UBASH3B: variants seen among roughly 807,000 people sequenced by gnomAD.
UBASH3B encodes ubiquitin associated and SH3 domain containing B, also known as ubiquitin-associated and SH3 domain-containing protein B.
In UBASH3B, 37 loss-of-function variants were observed where a neutral mutation model predicts 83.4. That is an observed-to-expected ratio of 0.44 (90% CI 0.34 to 0.58). The LOEUF is 0.58. UBASH3B is among the 20% of genes least tolerant of loss of function. UBASH3B has a pLI of 0.01. For synonymous variants in UBASH3B, 304 were observed against 318.3 expected (o/e 0.96, Z 0.48); for missense variants, 657 against 827.2 (o/e 0.79, Z 2.52).
chr11:122,743,220 C>G (rs1250828700), intron 1 of UBASH3B, among the ~76,000 whole-genome samples: 1 of 152,154 alleles, frequency 6.6e-6, no homozygotes, highest in Non-Finnish European at 1.5e-5. Flanking sequence ...TAATCTCTCT[C>G]TCTCTCTCTC....
intron 1 of UBASH3B, among the ~76,000 whole-genome samples, chr11:122,691,663 C>A (rs1318752038): frequency 6.6e-6 from 1 of 152,206 alleles, no homozygotes; most frequent in Non-Finnish European, 1.5e-5. Flanking sequence ...AGCCACCCAC[C>A]ACTTGCGGGA....
At chr11:122,801,149 C>T in intron 10 of UBASH3B, 39 bp from the exon 11 acceptor site, 1 of 1,605,428 alleles carries the variant, frequency 6.2e-7, no homozygotes. Context: ...TGAGAATCCA[C>T]AGGCACTTTC....
chr11:122,693,812 A>T (rs1863926564), intron 1 of UBASH3B, among the ~76,000 whole-genome samples: 1 of 152,214 alleles, frequency 6.6e-6, no homozygotes, highest in African/African-American at 2.4e-5. Flanking sequence ...CGGAGGTTGC[A>T]GTGAGCCGAG....
chr11:122,688,812 T>A (rs1213973043), intron 1 of UBASH3B, among the ~76,000 whole-genome samples: 1 of 151,112 alleles, frequency 6.6e-6, no homozygotes, highest in African/African-American at 2.4e-5. Context: ...GCCCGGCTAA[T>A]TTTTTGTATT....
chr11:122,692,876 T>G (rs920206236), intron 1 of UBASH3B, among the ~76,000 whole-genome samples: 3 of 151,998 alleles, frequency 2.0e-5, no homozygotes, highest in African/African-American at 7.3e-5. Flanking sequence ...AGTGTCCGAG[T>G]GAAGAGACCA....
chr11:122,655,909 T>G lies in UBASH3B; in HGVS notation c.-141T>G, dbSNP rs1262030729. The G allele has an allele frequency of 3.2e-6, 3 of 940,074 alleles. No homozygotes were observed. Among genetic ancestry groups the G allele is most frequent in the Non-Finnish European group, 4.4e-6 (3 of 675,944 alleles). The allele number at this position is 940,074 out of a possible 1,614,324, so 58.2% of individuals were successfully genotyped here. On this transcript the variant is annotated 5_prime_UTR_variant, in exon 1 of 14. Coordinates refer to ENST00000284273, the MANE Select transcript of UBASH3B (RefSeq NM_032873.5). ...GTCAGAGTCCCGACACTGGGGAAGC[T>G]CGGAGCGCCGCCTCCGCTGCCGCCG...
chr11:122,736,298 A>G (rs4935806), intron 1 of UBASH3B, among the ~76,000 whole-genome samples: 110,309 of 151,630 alleles, frequency 0.73, 40,515 homozygotes, highest in Middle Eastern at 0.87. Context: ...TGTGTAACTC[A>G]TCCCTAGAGT....
At chr11:122,704,603 A>T (rs1368890183) in intron 1 of UBASH3B, among the ~76,000 whole-genome samples, 1 of 151,680 alleles carries the variant, frequency 6.6e-6, no homozygotes, top group African/African-American at 2.4e-5. Flanking sequence ...TTTGCCTCCC[A>T]GGTTCAAGCA....
chr11:122,748,629 A>G (rs547241827), intron 1 of UBASH3B, among the ~76,000 whole-genome samples: 1 of 152,188 alleles, frequency 6.6e-6, no homozygotes, highest in Non-Finnish European at 1.5e-5. Flanking sequence ...GATTCTTTGA[A>G]TACCTCCATT....
At chr11:122,668,495 T>G (rs1289930030) in intron 1 of UBASH3B, among the ~76,000 whole-genome samples, 1 of 152,120 alleles carries the variant, frequency 6.6e-6, no homozygotes, top group African/African-American at 2.4e-5. Flanking sequence ...GTGGGTGAGA[T>G]GCTTGGGTGA....
chr11:122,694,957 T>TC lies in UBASH3B; in HGVS notation c.161+38747_161+38748insC, dbSNP rs1485938604. The stretch of plus-strand genomic sequence containing the variant: ...TTATTTTTCTTTTCTTTTCTTTCTT[T>TC]TTTTTTTTTTTTTTTTTTTTTTTTG... On this transcript the variant is annotated intron_variant, in intron 1 of 13. Coordinates refer to ENST00000284273, the MANE Select transcript of UBASH3B (RefSeq NM_032873.5). Among the ~76,000 whole-genome samples the TC allele has an allele frequency of 7.3e-3, 753 of 102,908 alleles. 19 individuals are homozygous for TC. Among genetic ancestry groups the TC allele is most frequent in the African/African-American group, 0.018 (423 of 24,014 alleles). The allele number at this position is 102,908 out of a possible 152,430, so 67.5% of individuals were successfully genotyped here.
At chr11:122,691,162 C>T (rs576835129) in intron 1 of UBASH3B, among the ~76,000 whole-genome samples, 145 of 152,168 alleles carry the variant, frequency 9.5e-4, no homozygotes, top group Non-Finnish European at 1.9e-3. Flanking sequence ...AGAGGTTCAT[C>T]ACTGGAAAAA....
chr11:122,726,246 G>A (rs1018680122), intron 1 of UBASH3B: 4 of 159,286 alleles, frequency 2.5e-5, no homozygotes, highest in South Asian at 3.5e-4. Context: ...AACAAGGTTC[G>A]AGGGTGGCAC....
chr11:122,679,514 C>A (rs1409231697), intron 1 of UBASH3B, among the ~76,000 whole-genome samples: 1 of 152,198 alleles, frequency 6.6e-6, no homozygotes, highest in South Asian at 2.1e-4. Context: ...CTCAAACCCA[C>A]TACGTTAGAA....
At chr11:122,712,570 C>G (rs1023831614) in intron 1 of UBASH3B, among the ~76,000 whole-genome samples, 1 of 152,054 alleles carries the variant, frequency 6.6e-6, no homozygotes, top group African/African-American at 2.4e-5. Flanking sequence ...CATTCTGCAT[C>G]CTGTTGAGCA....
intron 1 of UBASH3B, among the ~76,000 whole-genome samples, chr11:122,683,714 T>C (rs943239062): frequency 6.0e-5 from 9 of 150,480 alleles, no homozygotes; most frequent in Non-Finnish European, 1.2e-4. Context: ...TGATCACATA[T>C]CCTCAATTGC....
chr11:122,786,902 C>T (rs530826752), intron 5 of UBASH3B, among the ~76,000 whole-genome samples: 18 of 152,264 alleles, frequency 1.2e-4, no homozygotes, highest in African/African-American at 4.3e-4. Flanking sequence ...TCCAGCTTCC[C>T]TATGCCTAGG....
intron 1 of UBASH3B, among the ~76,000 whole-genome samples, chr11:122,744,871 C>CTGTGTGTGTGTGTGTGTGTGTGTG (rs1472956565): frequency 3.8e-5 from 1 of 26,014 alleles, no homozygotes; most frequent in African/African-American, 1.7e-4. Context: ...ACATGTGTGA[C>CTGTGTGTGTGTGTGTGTGTGTGTG]TCTGTGTGTG....
intron 1 of UBASH3B, among the ~76,000 whole-genome samples, chr11:122,694,048 G>C (rs1384659715): frequency 6.6e-6 from 1 of 152,184 alleles, no homozygotes; most frequent in Non-Finnish European, 1.5e-5. Context: ...GTGGTATCAG[G>C]TGGCCCATGC....
Sources: allele counts gnomAD v4.1 joint callset (sites outside exome capture counted in the v4.1 genomes callset), GRCh38; gene constraint gnomAD v4.1.1; transcripts MANE v1.5; gene names NCBI Gene and HGNC (gene_info 2026-07-23, HGNC 2026-07-21).